Variants in MGST1 observed in about 807,000 individuals in gnomAD.
MGST1 encodes the protein microsomal glutathione S-transferase 1.
In MGST1, 5 loss-of-function variants were observed where a neutral mutation model predicts 8.9. The observed-to-expected ratio is 0.56, with a 90% CI of 0.29 to 1.19. The LOEUF (loss-of-function observed/expected upper bound fraction) is 1.19. MGST1 is among the 50% of genes most tolerant of loss of function. The pLI is 0.08. For synonymous variants in MGST1, 54 were observed against 67.8 expected, an observed-to-expected ratio of 0.80 and a Z score of 1.00; for missense variants, 182 against 187.4, an observed-to-expected ratio of 0.97 and a Z score of 0.17.
chr12:16,579,032 A>C (rs1943081013), intron 4 of MGST1, among the ~76,000 whole-genome samples: 1 of 152,308 alleles, frequency 6.6e-6, no homozygotes, highest in East Asian at 1.9e-4. Flanking sequence ...AGACTGTATC[A>C]TTGCAAATAG....
Position 16,360,455 on chromosome 12 carries a change from T to C in MGST1, c.221+2756T>C, listed in dbSNP as rs993876557. On this transcript the variant is annotated intron_variant, in intron 3 of 3. Coordinates refer to ENST00000396210, the MANE Select transcript of MGST1 (RefSeq NM_020300.5). ...ACTAAAAACTTAAGGTAATATGTGT[T>C]GAAATACCAAGATATGTGACTTAAA... The C allele has an allele frequency of 4.0e-6, 3 of 743,602 alleles. No homozygotes were observed. In the African/African-American group the frequency reaches 5.7e-5, roughly 14 times the overall value. The allele number at this position is 743,602 out of a possible 1,614,324, so 46.1% of individuals were successfully genotyped here.
chr12:16,370,505 A>G (rs953156063), intron 3 of MGST1: 11 of 152,164 alleles, frequency 7.2e-5, no homozygotes, highest in African/African-American at 2.7e-4. Flanking sequence ...AAATAATTGT[A>G]TATTATCTTC....
downstream of MGST1, among the ~76,000 whole-genome samples, chr12:16,379,712 A>C (rs1350455952): frequency 6.6e-6 from 1 of 152,220 alleles, no homozygotes; most frequent in Non-Finnish European, 1.5e-5. Flanking sequence ...GAATAGTTTC[A>C]GAAGGAATGG....
chr12:16,583,778 A>G (rs1943237086), intron 4 of MGST1, among the ~76,000 whole-genome samples: 1 of 152,204 alleles, frequency 6.6e-6, no homozygotes. Context: ...AAATTGAGCT[A>G]GCACAGGCAT....
At chr12:16,498,427 A>T (rs761870407) in intron 4 of MGST1, among the ~76,000 whole-genome samples, 26 of 152,154 alleles carry the variant, frequency 1.7e-4, no homozygotes, top group Non-Finnish European at 2.9e-4. Context: ...AATTGAAAAC[A>T]TTGCTATTCC....
intron 4 of MGST1, among the ~76,000 whole-genome samples, chr12:16,566,332 T>C (rs1326893086): frequency 1.3e-5 from 2 of 151,874 alleles, no homozygotes; most frequent in Non-Finnish European, 2.9e-5. Context: ...TGTTCTGTTA[T>C]TGCACAGTAG....
At chr12:16,446,342 CTT>C (rs986714508) in intron 4 of MGST1, among the ~76,000 whole-genome samples, 71 of 152,010 alleles carry the variant, frequency 4.7e-4, no homozygotes, top group African/African-American at 1.6e-3. Context: ...ACATAGTCAT[CTT>C]TTCACTTAAC....
Position 16,534,979 on chromosome 12 carries a change from T to C in MGST1, n.483-54549T>C, listed in dbSNP as rs115920813. Among the ~76,000 whole-genome samples, 380 of 152,280 alleles carry C rather than the reference T, an allele frequency of 2.5e-3. 3 individuals carry two copies. Among genetic ancestry groups the C allele is most frequent in the African/African-American group, 8.9e-3 (372 of 41,566 alleles). On this transcript the variant is annotated intron_variant and non_coding_transcript_variant, in intron 4 of 4. Transcript: ENST00000538857. ...GCTCTTCACCCCATTTACCTTCACGTATTTTTGTTGTCCTTACTTTGAAAA... is the reference window on the plus strand; with the variant it reads ...GCTCTTCACCCCATTTACCTTCACGCATTTTTGTTGTCCTTACTTTGAAAA...
At chr12:16,558,779 C>G (rs1244736786) in intron 4 of MGST1, among the ~76,000 whole-genome samples, 2 of 152,068 alleles carry the variant, frequency 1.3e-5, no homozygotes, top group Non-Finnish European at 2.9e-5. Flanking sequence ...GTGGGAAAGT[C>G]AAGTTAATGG....
At chr12:16,455,066 A>G (rs186490079) in intron 4 of MGST1, among the ~76,000 whole-genome samples, 1 of 151,830 alleles carries the variant, frequency 6.6e-6, no homozygotes, top group Non-Finnish European at 1.5e-5. Flanking sequence ...ATAATTAACA[A>G]ATATGTGTAA....
chr12:16,414,899 C>A (rs890787782), intron 1 of MGST1, among the ~76,000 whole-genome samples: 90 of 152,094 alleles, frequency 5.9e-4, no homozygotes, highest in African/African-American at 2.1e-3. Flanking sequence ...TGGCACGTGC[C>A]TGTAACCCCA....
downstream of MGST1, among the ~76,000 whole-genome samples, chr12:16,379,363 G>T (rs1217654565): frequency 2.6e-5 from 4 of 152,310 alleles, no homozygotes; most frequent in African/African-American, 9.6e-5. Flanking sequence ...ATGAAGAGTT[G>T]TCGAATTTTG....
intron 4 of MGST1, among the ~76,000 whole-genome samples, chr12:16,571,141 T>C (rs1292624409): frequency 6.6e-6 from 1 of 152,120 alleles, no homozygotes; most frequent in Non-Finnish European, 1.5e-5. Flanking sequence ...TGTTTTCTTT[T>C]AAGGTAAGTA....
chr12:16,572,187 G>A (rs1385631062), intron 4 of MGST1, among the ~76,000 whole-genome samples: 1 of 151,800 alleles, frequency 6.6e-6, no homozygotes, highest in African/African-American at 2.4e-5. Context: ...TCTCAATCCA[G>A]TATTAAGAAG....
rs1939996641 is a variant in MGST1 at position 16,361,544 on chromosome 12, T to C, written c.222-2251T>C. Among the ~76,000 whole-genome samples, 1 of 152,092 alleles carries C rather than the reference T, an allele frequency of 6.6e-6. No homozygotes were observed. Among genetic ancestry groups the C allele is most frequent in the Non-Finnish European group, 1.5e-5 (1 of 68,014 alleles). On this transcript the variant is annotated intron_variant, in intron 3 of 3. Transcript: ENST00000396210. This position sits in a 1 kb window ranked among gnomAD's most constrained non-coding sequence, Gnocchi z 4.2. ...GGTGATAGATTTTGGCAGCTGTCCATAAATGGCACTAACGTGAAGGAAGCT... is the reference window on the plus strand; with the variant it reads ...GGTGATAGATTTTGGCAGCTGTCCACAAATGGCACTAACGTGAAGGAAGCT...
intron 4 of MGST1, among the ~76,000 whole-genome samples, chr12:16,504,019 T>C (rs574579684): frequency 1.3e-5 from 2 of 152,278 alleles, no homozygotes; most frequent in South Asian, 4.2e-4. Flanking sequence ...CCTTGAATTC[T>C]TTCCTGGGAG....
At chr12:16,524,739 C>T (rs924528397) in intron 4 of MGST1, among the ~76,000 whole-genome samples, 4 of 152,030 alleles carry the variant, frequency 2.6e-5, no homozygotes, top group Non-Finnish European at 5.9e-5. Flanking sequence ...ACTTATTGTA[C>T]AAACCCATCT....
chr12:16,479,799 G>A (rs1433010548), intron 4 of MGST1, among the ~76,000 whole-genome samples: 1 of 152,186 alleles, frequency 6.6e-6, no homozygotes. Flanking sequence ...GCCTCCCAAA[G>A]TGCTGGGATT....
At chr12:16,533,336 T>C (rs1255082170) in intron 4 of MGST1, among the ~76,000 whole-genome samples, 1 of 152,172 alleles carries the variant, frequency 6.6e-6, no homozygotes, top group Non-Finnish European at 1.5e-5. Flanking sequence ...CTGTACACCT[T>C]GATTTGTGGA....
Sources: gnomAD v4.1 joint callset for allele counts (sites outside exome capture counted in the v4.1 genomes callset) on GRCh38, gnomAD v4.1.1 for gene constraint, Gnocchi (gnomAD v3.1) non-coding constraint, MANE v1.5 for transcripts, NCBI Gene and HGNC (gene_info 2026-07-23, HGNC 2026-07-21) for gene names.